Variants in CLSTN2 observed in about 807,000 individuals in gnomAD.
CLSTN2 encodes calsyntenin 2, also known as calsyntenin-2.
In CLSTN2, 48 loss-of-function variants were observed where a neutral mutation model predicts 101.2. The observed-to-expected ratio is 0.47, with a 90% CI of 0.38 to 0.60. The LOEUF (loss-of-function observed/expected upper bound fraction) is 0.60. Among genes scored for constraint, CLSTN2 ranks in the 20% least tolerant of loss-of-function variants. The pLI is 0.00. For missense variants in CLSTN2, 1,160 were observed against 1,238.2 expected, an observed-to-expected ratio of 0.94 and a Z score of 0.95; for synonymous variants, 481 against 463.6, an observed-to-expected ratio of 1.04 and a Z score of -0.48.
chr3:140,536,502 C>A (rs1315740724), intron 9 of CLSTN2, among the ~76,000 whole-genome samples: 1 of 152,080 alleles, frequency 6.6e-6, no homozygotes, highest in Non-Finnish European at 1.5e-5. Context: ...CTAACCCTCA[C>A]ATATAGACCC....
At position 140,404,835 on chromosome 3, in the gene CLSTN2, A is replaced by C. The variant is rs554988446; in HGVS notation, c.637+69A>C. 53 of 1,301,840 alleles carry C rather than the reference A, an allele frequency of 4.1e-5. No homozygotes were observed. The African/African-American group carries it at 6.9e-4, about 17-fold the overall frequency. The allele number at this position is 1,301,840 out of a possible 1,614,324, so 80.6% of individuals were successfully genotyped here. A position where few individuals can be genotyped will look rare whatever the true frequency, so the allele number is the denominator to read the frequency against. ...CCATCGCCTCCACTCTGAAGACCCA[A>C]CATGGGCTCTGAATATGCTTGGCAA... is the stretch of plus-strand genomic sequence containing the variant. On this transcript the variant is annotated intron_variant, in intron 4 of 16. Transcript: ENST00000458420.
chr3:140,188,018 T>C (rs2010507311), intron 2 of CLSTN2, among the ~76,000 whole-genome samples: 1 of 152,170 alleles, frequency 6.6e-6, no homozygotes, highest in African/African-American at 2.4e-5. Context: ...TGAAGTGCTC[T>C]CCTCTGGCCC....
At position 140,286,576 on chromosome 3, in the gene CLSTN2, G is replaced by A. The variant is rs138302926; in HGVS notation, c.232+110503G>A. On this transcript the variant is annotated intron_variant, in intron 2 of 16. Transcript: ENST00000458420. ...TCTATTCAGTGTCTACCATAGATAC[G>A]ATGTATACCACTCTGCCTCCCTCCT... 1.1e-3 allele frequency among the ~76,000 whole-genome samples: 164 copies of A among 152,246 alleles called. 2 individuals are homozygous for A. The highest frequency in any genetic ancestry group is 3.7e-3 in the African/African-American group (152 of 41,536).
intron 2 of CLSTN2, among the ~76,000 whole-genome samples, chr3:140,345,245 C>CTTTTT (rs569774722): frequency 1.4e-4 from 19 of 136,024 alleles, no homozygotes; most frequent in African/African-American, 3.2e-4. Context: ...TGGATATAGC[C>CTTTTT]TTTTTTTCTT....
intron 1 of CLSTN2, among the ~76,000 whole-genome samples, chr3:140,092,095 G>A (rs2008788548): frequency 6.6e-6 from 1 of 152,200 alleles, no homozygotes; most frequent in South Asian, 2.1e-4. Flanking sequence ...GCTGCTGTGA[G>A]AATACTTCAG....
chr3:140,298,456 C>T (rs1167224953), intron 2 of CLSTN2, among the ~76,000 whole-genome samples: 2 of 152,178 alleles, frequency 1.3e-5, no homozygotes, highest in Non-Finnish European at 2.9e-5. Context: ...AAAGTGCTCA[C>T]CATCTAGAGA....
At chr3:140,201,426 G>C (rs530952213) in intron 2 of CLSTN2, among the ~76,000 whole-genome samples, 48 of 152,184 alleles carry the variant, frequency 3.2e-4, no homozygotes, top group Non-Finnish European at 5.9e-4. Flanking sequence ...AACAATGAGA[G>C]AAGAGCACTG....
chr3:140,134,556 C>T (rs189494766), intron 1 of CLSTN2, among the ~76,000 whole-genome samples: 68 of 152,272 alleles, frequency 4.5e-4, no homozygotes, highest in African/African-American at 1.6e-3. Context: ...AAACTCAGCC[C>T]GTGCCAAAGC....
chr3:140,396,169 T>C (rs1435187329), intron 2 of CLSTN2, among the ~76,000 whole-genome samples: 3 of 152,134 alleles, frequency 2.0e-5, no homozygotes, highest in African/African-American at 7.2e-5. Context: ...ATCACTGCGA[T>C]GAGCAAAAAC....
At chr3:140,475,061 T>C (rs1180385778) in intron 8 of CLSTN2, among the ~76,000 whole-genome samples, 1 of 150,032 alleles carries the variant, frequency 6.7e-6, no homozygotes, top group Non-Finnish European at 1.5e-5. Flanking sequence ...AGAATCACCT[T>C]CTAAATAAAC....
At chr3:140,472,846 T>C (rs1285185411) in intron 8 of CLSTN2, among the ~76,000 whole-genome samples, 1 of 152,190 alleles carries the variant, frequency 6.6e-6, no homozygotes, top group Non-Finnish European at 1.5e-5. Flanking sequence ...ACTTTGGATA[T>C]GCAAAGTGAA....
At chr3:140,253,217 C>G (rs780316511) in intron 2 of CLSTN2, among the ~76,000 whole-genome samples, 3 of 152,072 alleles carry the variant, frequency 2.0e-5, no homozygotes, top group Non-Finnish European at 4.4e-5. Flanking sequence ...ACTGAGTCAG[C>G]TAGTTGTGGT....
At chr3:140,067,754 G>C (rs2008322794) in intron 1 of CLSTN2, among the ~76,000 whole-genome samples, 1 of 152,194 alleles carries the variant, frequency 6.6e-6, no homozygotes, top group African/African-American at 2.4e-5. Flanking sequence ...AGACGGGGCT[G>C]CTTCTATCGT....
At chr3:140,473,943 T>G (rs1325297085) in intron 8 of CLSTN2, among the ~76,000 whole-genome samples, 1 of 151,864 alleles carries the variant, frequency 6.6e-6, no homozygotes, top group Non-Finnish European at 1.5e-5. Flanking sequence ...TTTTTGTTTG[T>G]TTGGTTTTTT....
intron 1 of CLSTN2, among the ~76,000 whole-genome samples, chr3:139,960,096 C>T (rs1441499104): frequency 6.6e-6 from 1 of 152,170 alleles, no homozygotes; most frequent in Non-Finnish European, 1.5e-5. Context: ...TGCTTAAACA[C>T]CAGCTTTTAG....
chr3:139,989,992 G>A (rs1047986361), intron 1 of CLSTN2, among the ~76,000 whole-genome samples: 3 of 152,238 alleles, frequency 2.0e-5, no homozygotes, highest in Non-Finnish European at 4.4e-5. Flanking sequence ...CCAGATGGCT[G>A]AACTATAAAC....
At chr3:140,057,354 G>C (rs533823123) in intron 1 of CLSTN2, among the ~76,000 whole-genome samples, 1 of 152,326 alleles carries the variant, frequency 6.6e-6, no homozygotes, top group Admixed American at 6.5e-5. Flanking sequence ...TGCAATAGCA[G>C]ATGTTTTATA....
At chr3:140,547,854 G>A (rs1316635182) in intron 10 of CLSTN2, among the ~76,000 whole-genome samples, 3 of 152,196 alleles carry the variant, frequency 2.0e-5, no homozygotes, top group Non-Finnish European at 4.4e-5. Context: ...CTGGAAGTTG[G>A]AACAGACCAG....
rs1187337177 is a variant in CLSTN2 at position 139,935,600 on chromosome 3, C to T, written c.109+117C>T. ...TGCCCACCCTCCCTTGCCGCAGCTT[C>T]TTTGGCCTCTGTGCGCCCTGGATTC... On this transcript the variant is annotated intron_variant, in intron 1 of 16. Transcript: ENST00000458420. The surrounding 1 kb of genome is among the most constrained non-coding windows in gnomAD (Gnocchi z 5.5). 13 of 480,864 alleles carry T rather than the reference C, an allele frequency of 2.7e-5. No individual in the cohort carries two copies. The highest frequency in any genetic ancestry group is 3.6e-5 in the Non-Finnish European group (11 of 304,000). The allele number at this position is 480,864 out of a possible 1,614,324, so 29.8% of individuals were successfully genotyped here. A position where few individuals can be genotyped will look rare whatever the true frequency, so the allele number is the denominator to read the frequency against.
Sources: gnomAD v4.1 joint callset for allele counts (sites outside exome capture counted in the v4.1 genomes callset) on GRCh38, gnomAD v4.1.1 for gene constraint, Gnocchi (gnomAD v3.1) non-coding constraint, MANE v1.5 for transcripts, NCBI Gene and HGNC (gene_info 2026-07-23, HGNC 2026-07-21) for gene names.